PKNOX1: variants seen among roughly 807,000 people sequenced by gnomAD.
The protein encoded by PKNOX1 is homeobox protein PKNOX1.
A neutral mutation model predicts 51.9 loss-of-function variants in PKNOX1; 15 were observed. That is an observed-to-expected ratio of 0.29 (90% CI 0.19 to 0.45). The LOEUF is 0.45. Among genes scored for constraint, PKNOX1 ranks in the 20% least tolerant of loss-of-function variants. The pLI is 1.00. For missense variants in PKNOX1, 462 were observed against 547.5 expected (o/e 0.84, Z 1.56); for synonymous variants, 219 against 211.1 (o/e 1.04, Z -0.32).
At position 43,007,604 on chromosome 21, in the gene PKNOX1, G is replaced by A. The variant is rs1979053058; in HGVS notation, c.165G>A (p.Lys55=). ...CTCAGACCCCGATGGATGTGGACAAGCAGGCCATTTATAGGTAGTGCCCGG... is the reference window on the plus strand; with the variant it reads ...CTCAGACCCCGATGGATGTGGACAAACAGGCCATTTATAGGTAGTGCCCGG... ...VESQTPMDVD[K]QAIYRHPLFP... is the part of the protein sequence containing the mutation. The change falls in exon 3 of 11, where the codon AAG becomes AAA. Residue 55 remains lysine, a synonymous_variant. Transcript: ENST00000291547. The A allele has an allele frequency of 6.2e-7, 1 of 1,614,190 alleles. No individual in the cohort carries two copies. Among genetic ancestry groups the A allele is most frequent in the Non-Finnish European group, 8.5e-7 (1 of 1,180,022 alleles).
intron 3 of PKNOX1, among the ~76,000 whole-genome samples, chr21:43,008,945 G>C (rs898639072): frequency 6.6e-6 from 1 of 152,160 alleles, no homozygotes; most frequent in Admixed American, 6.5e-5. Flanking sequence ...GCTGGAAACA[G>C]TGCCCATGCC....
intron 1 of PKNOX1, among the ~76,000 whole-genome samples, chr21:42,994,966 G>T (rs1978431599): frequency 7.4e-6 from 1 of 135,456 alleles, no homozygotes; most frequent in Admixed American, 8.6e-5. Flanking sequence ...CTGTCGCCCA[G>T]GCTGGAGTGC....
rs994205471 is a variant in PKNOX1, at chr21:43,031,135, G to T, written c.*1034G>T. The T allele has an allele frequency of 2.0e-5, 3 of 152,664 alleles. No homozygotes were observed. Among genetic ancestry groups the T allele is most frequent in the South Asian group, 2.1e-4 (1 of 4,832 alleles). The allele number at this position is 152,664 out of a possible 1,614,324, so 9.5% of individuals were successfully genotyped here. A position where few individuals can be genotyped will look rare whatever the true frequency, so the allele number is the denominator to read the frequency against. ...GCATGGTCGCTTTACCATGTTAGCT[G>T]TGTATTGTTTTAAAAGTTTTAACTT... On this transcript the variant is annotated 3_prime_UTR_variant, in exon 11 of 11. Coordinates refer to ENST00000291547, the MANE Select transcript of PKNOX1 (RefSeq NM_004571.5).
chr21:43,022,278 G>A (rs3788042), intron 8 of PKNOX1, among the ~76,000 whole-genome samples: 22,146 of 152,146 alleles, frequency 0.15, 1,921 homozygotes, highest in African/African-American at 0.24. Context: ...CCTCTCCAGG[G>A]TGCCTCCGCT....
intron 1 of PKNOX1, among the ~76,000 whole-genome samples, chr21:42,980,369 G>A (rs1459837161): frequency 2.4e-5 from 2 of 84,106 alleles, no homozygotes; most frequent in South Asian, 8.7e-4. Context: ...AAGACTCCAT[G>A]TCCGAAAAAA....
intron 7 of PKNOX1, among the ~76,000 whole-genome samples, chr21:43,019,860 C>A (rs1979678511): frequency 6.8e-6 from 1 of 146,482 alleles, no homozygotes; most frequent in Non-Finnish European, 1.5e-5. Flanking sequence ...GGTTGGTGTT[C>A]TTTTTTCCAA....
At chr21:42,997,602 C>T (rs186871329) in intron 1 of PKNOX1, among the ~76,000 whole-genome samples, 1 of 152,326 alleles carries the variant, frequency 6.6e-6, no homozygotes, top group Non-Finnish European at 1.5e-5. Flanking sequence ...GCAAGACGGG[C>T]CCCTGGCCCT....
At chr21:42,986,017 A>ATTT (rs1555857937) in intron 1 of PKNOX1, among the ~76,000 whole-genome samples, 1 of 147,510 alleles carries the variant, frequency 6.8e-6, no homozygotes, top group Admixed American at 6.7e-5. Flanking sequence ...AAAAAAAAAA[A>ATTT]TTAAAAAAAA....
intron 5 of PKNOX1, among the ~76,000 whole-genome samples, chr21:43,013,446 G>A (rs370457120): frequency 4.0e-5 from 6 of 151,788 alleles, no homozygotes; most frequent in Admixed American, 6.6e-5. Flanking sequence ...CTGGGCCCCC[G>A]GTCCCATGTT....
intron 5 of PKNOX1, 40 bp downstream of exon 5, chr21:43,013,278 T>C (rs372613482): frequency 7.0e-7 from 1 of 1,433,512 alleles, no homozygotes; most frequent in Non-Finnish European, 9.5e-7. Flanking sequence ...TCTCTGCCAC[T>C]GTGAACATCT....
rs776883885 is a variant in PKNOX1, at chr21:43,018,140, A to C, written c.630A>C (p.Thr210=). 1 of 1,600,094 alleles carries C rather than the reference A, an allele frequency of 6.2e-7. No homozygotes were observed. The highest frequency in any genetic ancestry group is 1.3e-5 in the African/African-American group (1 of 74,362). ...TTTATTCTCCCTTTCGAGGTGGCAC[A>C]GTGTATCAGCCTGTCACGGTCGTCA... is the stretch of plus-strand genomic sequence containing the variant. ...NVAMATVAGG[T]VYQPVTVVTP... Residue 210 remains threonine, a synonymous_variant, in exon 7 of 11, where the codon ACA becomes ACC. Coordinates refer to ENST00000291547, the MANE Select transcript of PKNOX1 (RefSeq NM_004571.5).
chr21:42,999,103 G>A (rs538308254), intron 1 of PKNOX1, among the ~76,000 whole-genome samples: 36 of 152,340 alleles, frequency 2.4e-4, no homozygotes, highest in Non-Finnish European at 3.5e-4. Context: ...AAATCTAGGC[G>A]GAGGTTCCCA....
At chr21:42,996,814 C>T (rs1362534632) in intron 1 of PKNOX1, among the ~76,000 whole-genome samples, 2 of 152,088 alleles carry the variant, frequency 1.3e-5, no homozygotes, top group Admixed American at 6.6e-5. Context: ...GTGATCCTTC[C>T]ACCTTGGCCT....
intron 1 of PKNOX1, among the ~76,000 whole-genome samples, chr21:42,977,403 A>T (rs560017429): frequency 6.6e-6 from 1 of 152,128 alleles, no homozygotes; most frequent in African/African-American, 2.4e-5. Flanking sequence ...GCCTTCATCA[A>T]TGATCTTAGC....
chr21:42,995,443 G>A (rs1007509072), intron 1 of PKNOX1, among the ~76,000 whole-genome samples: 14 of 151,928 alleles, frequency 9.2e-5, no homozygotes, highest in South Asian at 2.1e-4. Context: ...TTTGGGAGGC[G>A]GAGGTAGGAG....
chr21:43,027,983 G>T (rs1980056060), intron 9 of PKNOX1, among the ~76,000 whole-genome samples: 1 of 152,214 alleles, frequency 6.6e-6, no homozygotes, highest in Non-Finnish European at 1.5e-5. Flanking sequence ...GTTCTCTGTG[G>T]AGTCTTATCA....
chr21:43,006,681 G>A (rs1366519816), intron 2 of PKNOX1, among the ~76,000 whole-genome samples: 2 of 152,142 alleles, frequency 1.3e-5, no homozygotes, highest in East Asian at 3.9e-4. Context: ...AGTCTGTCTG[G>A]ACAGTGGGGA....
intron 1 of PKNOX1, among the ~76,000 whole-genome samples, chr21:42,990,479 C>T (rs1341011215): frequency 6.6e-6 from 1 of 152,090 alleles, no homozygotes; most frequent in Admixed American, 6.5e-5. Context: ...GGTGCTAACC[C>T]CCAGACTAGT....
intron 1 of PKNOX1, among the ~76,000 whole-genome samples, chr21:42,979,363 T>C (rs4920020): frequency 0.038 from 5,799 of 152,330 alleles, 141 homozygotes; most frequent in Middle Eastern, 0.061. Flanking sequence ...CTTGCTTTCT[T>C]CATACAGGGT....
Sources: allele counts gnomAD v4.1 joint callset (sites outside exome capture counted in the v4.1 genomes callset), GRCh38; gene constraint gnomAD v4.1.1; transcripts MANE v1.5; gene names NCBI Gene and HGNC (gene_info 2026-07-23, HGNC 2026-07-21).